The following PTAR1 variants were observed in gnomAD, a reference collection of about 807,000 sequenced individuals.
The protein encoded by PTAR1 is protein prenyltransferase alpha subunit repeat-containing protein 1.
PTAR1 carries 17 observed loss-of-function variants against 45.5 expected under a neutral mutation model. That is an observed-to-expected ratio of 0.37 (90% CI 0.26 to 0.56). The LOEUF is 0.56. Among genes scored for constraint, PTAR1 ranks in the 20% least tolerant of loss-of-function variants. The pLI, the probability that PTAR1 is intolerant of heterozygous loss-of-function variation, is 0.77. For synonymous variants in PTAR1, 169 were observed against 171.3 expected (o/e 0.99, Z 0.11); for missense variants, 391 against 476.3 (o/e 0.82, Z 1.67).
intron 6 of PTAR1, among the ~76,000 whole-genome samples, chr9:69,722,465 C>T (rs990176567): frequency 1.3e-5 from 2 of 152,174 alleles, no homozygotes; most frequent in Non-Finnish European, 2.9e-5. Context: ...AGACTTTCCC[C>T]TCTCTCAAAG....
At chr9:69,751,971 C>G (rs557252164) in intron 1 of PTAR1, among the ~76,000 whole-genome samples, 3 of 152,088 alleles carry the variant, frequency 2.0e-5, no homozygotes, top group Admixed American at 6.6e-5. Context: ...AAAACACATT[C>G]ACATGCCTTT....
intron 2 of PTAR1, among the ~76,000 whole-genome samples, chr9:69,750,318 G>C (rs184098655): frequency 5.9e-5 from 9 of 152,112 alleles, no homozygotes; most frequent in African/African-American, 2.2e-4. Flanking sequence ...ATAAATCACT[G>C]GGCTGGTTCA....
chr9:69,757,112 A>C (rs1352710913), intron 1 of PTAR1: 1 of 152,184 alleles, frequency 6.6e-6, no homozygotes, highest in African/African-American at 2.4e-5. Context: ...TGGTACCCAC[A>C]ACACTTCATA....
Position 69,718,213 on chromosome 9 carries a change from G to T in PTAR1, c.*129C>A. 2 of 585,076 alleles carry T rather than the reference G, an allele frequency of 3.4e-6. No homozygotes were observed. Among genetic ancestry groups the T allele is most frequent in the Non-Finnish European group, 5.8e-6 (2 of 344,086 alleles). 36.2% of individuals were successfully genotyped at this position (585,076 alleles called of 1,614,324 possible). The stretch of plus-strand genomic sequence containing the variant: ...TAAATAAAATGAAAGATTTACTATG[G>T]ACTTTCAACCTAAAGACGAAGAACA... On this transcript the variant is annotated 3_prime_UTR_variant, in exon 8 of 8. Coordinates refer to ENST00000340434, the MANE Select transcript of PTAR1 (RefSeq NM_001099666.2).
chr9:69,743,052 T>C (rs983379821), intron 2 of PTAR1, among the ~76,000 whole-genome samples: 1 of 152,176 alleles, frequency 6.6e-6, no homozygotes, highest in Non-Finnish European at 1.5e-5. Flanking sequence ...CAAGCTCTTA[T>C]TAAATGTCAT....
intron 3 of PTAR1, among the ~76,000 whole-genome samples, chr9:69,735,497 G>T (rs1017278639): frequency 2.0e-5 from 3 of 152,082 alleles, no homozygotes; most frequent in Non-Finnish European, 4.4e-5. Context: ...TTCTATCTGC[G>T]GTTGGTTGAA....
In PTAR1 at chr9:69,720,913, T is replaced by C. The variant is rs139096815; in HGVS notation, c.948-2229A>G. ...CCAAAATATTACTGCGCATTGACTA[T>C]GCACCTAGTCATGTGAGAGCTCTGA... On this transcript the variant is annotated intron_variant, in intron 6 of 7. Coordinates refer to ENST00000340434, the MANE Select transcript of PTAR1 (RefSeq NM_001099666.2). Among the ~76,000 whole-genome samples, 466 of 151,582 alleles carry C rather than the reference T, an allele frequency of 3.1e-3. 3 individuals are homozygous for C. The highest frequency in any genetic ancestry group is 0.011 in the African/African-American group (443 of 40,870).
At chr9:69,754,981 T>G (rs1424583946) in intron 1 of PTAR1, among the ~76,000 whole-genome samples, 1 of 152,184 alleles carries the variant, frequency 6.6e-6, no homozygotes, top group Non-Finnish European at 1.5e-5. Flanking sequence ...AATTTTGATA[T>G]TTTTAATGGT....
At chr9:69,759,349 G>A (rs1223688003) in intron 1 of PTAR1, among the ~76,000 whole-genome samples, 1 of 152,168 alleles carries the variant, frequency 6.6e-6, no homozygotes, top group African/African-American at 2.4e-5. Context: ...TTTGTGGCAA[G>A]TAAGGCTAAA....
chr9:69,717,287 T>C lies in PTAR1; in HGVS notation c.*1055A>G, dbSNP rs937869224. 14 of 152,142 alleles carry C rather than the reference T, an allele frequency of 9.2e-5. 1 individual carries two copies. In the East Asian group the frequency reaches 2.7e-3, roughly 29 times the overall value. 9.4% of individuals were successfully genotyped at this position (152,142 alleles called of 1,614,324 possible). ...ATGGATCTATTTCTTTATATATTTCTCCCATTTGTCATAAGTGAATTTGAA... is the reference window on the plus strand; with the variant it reads ...ATGGATCTATTTCTTTATATATTTCCCCCATTTGTCATAAGTGAATTTGAA... On this transcript the variant is annotated 3_prime_UTR_variant, in exon 8 of 8. Coordinates refer to ENST00000340434, the MANE Select transcript of PTAR1 (RefSeq NM_001099666.2).
chr9:69,740,099 A>G (rs188621043), intron 3 of PTAR1, among the ~76,000 whole-genome samples: 3 of 152,324 alleles, frequency 2.0e-5, no homozygotes, highest in Admixed American at 1.3e-4. Context: ...ATGAAACAGG[A>G]CTAAGTTCCA....
intron 1 of PTAR1, among the ~76,000 whole-genome samples, chr9:69,756,481 T>A (rs1366959812): frequency 6.6e-6 from 1 of 152,214 alleles, no homozygotes; most frequent in Admixed American, 6.5e-5. Flanking sequence ...GAGACCAGCA[T>A]TGTGCCTGTC....
chr9:69,749,356 A>T (rs1564145854), intron 2 of PTAR1, among the ~76,000 whole-genome samples: 1 of 152,196 alleles, frequency 6.6e-6, no homozygotes. Flanking sequence ...TAAACAGTAC[A>T]GCTTTGTTTG....
intron 1 of PTAR1, chr9:69,757,802 G>A (rs1467113679): frequency 2.6e-5 from 4 of 151,334 alleles, no homozygotes; most frequent in Non-Finnish European, 5.9e-5. Context: ...GAGTAAATGG[G>A]CTAAATTAAG....
rs534066088 is a variant in PTAR1 at position 69,724,208 on chromosome 9, T to C, written c.643-578A>G. ...ATGATGCACTAATAATAAGATTTTT[T>C]CAAGAGCTCGTGACTTTAACTGTCT... On this transcript the variant is annotated intron_variant, in intron 5 of 7. Coordinates refer to ENST00000340434, the MANE Select transcript of PTAR1 (RefSeq NM_001099666.2). Among the ~76,000 whole-genome samples the C allele has an allele frequency of 2.0e-5, 3 of 152,290 alleles. No homozygotes were observed. The East Asian group carries it at 5.8e-4, about 29-fold the overall frequency.
intron 1 of PTAR1, among the ~76,000 whole-genome samples, chr9:69,759,385 T>C (rs954743409): frequency 6.6e-6 from 1 of 152,140 alleles, no homozygotes; most frequent in Admixed American, 6.5e-5. Context: ...AAACCACCTT[T>C]AGTTAGTAAA....
Position 69,710,997 on chromosome 9 carries a change from A to T in PTAR1, c.*7345T>A, listed in dbSNP as rs1171210987. 6.6e-6 allele frequency: 1 copy of T among 152,158 alleles called. No homozygotes were observed. Among genetic ancestry groups the T allele is most frequent in the Non-Finnish European group, 1.5e-5 (1 of 68,014 alleles). The allele number at this position is 152,158 out of a possible 1,614,324, so 9.4% of individuals were successfully genotyped here. A position where few individuals can be genotyped will look rare whatever the true frequency, so the allele number is the denominator to read the frequency against. Reference sequence around the variant, plus strand: ...AATGAAAGCTCCTCCATGTTAAATTATGCAATTGACTAGTGTCCACAAAAT... The same window carrying T: ...AATGAAAGCTCCTCCATGTTAAATTTTGCAATTGACTAGTGTCCACAAAAT... On this transcript the variant is annotated 3_prime_UTR_variant, in exon 8 of 8. Coordinates refer to ENST00000340434, the MANE Select transcript of PTAR1 (RefSeq NM_001099666.2).
At chr9:69,755,354 T>C (rs73444543) in intron 1 of PTAR1, among the ~76,000 whole-genome samples, 1 of 152,176 alleles carries the variant, frequency 6.6e-6, no homozygotes, top group Non-Finnish European at 1.5e-5. Context: ...TTCATTGGCT[T>C]CCAGATGATG....
intron 3 of PTAR1, among the ~76,000 whole-genome samples, chr9:69,739,421 A>G (rs1387053282): frequency 6.6e-6 from 1 of 152,016 alleles, no homozygotes; most frequent in Non-Finnish European, 1.5e-5. Flanking sequence ...TTTTCTTTAA[A>G]AAAAAAAAAG....
Sources: gnomAD v4.1 joint callset for allele counts (sites outside exome capture counted in the v4.1 genomes callset) on GRCh38, gnomAD v4.1.1 for gene constraint, MANE v1.5 for transcripts, NCBI Gene and HGNC (gene_info 2026-07-23, HGNC 2026-07-21) for gene names.